HEATR1: variants seen among roughly 807,000 people sequenced by gnomAD.
HEATR1 encodes the protein HEAT repeat-containing protein 1.
HEATR1 carries 77 observed loss-of-function variants against 248.2 expected under a neutral mutation model. That is an observed-to-expected ratio of 0.31 (90% CI 0.26 to 0.37). The LOEUF (loss-of-function observed/expected upper bound fraction) is 0.37. Among genes scored for constraint, HEATR1 ranks in the 10% least tolerant of loss-of-function variants. The pLI is 1.00. For missense variants in HEATR1, 2,420 were observed against 2,504.9 expected, an observed-to-expected ratio of 0.97 and a Z score of 0.72; for synonymous variants, 897 against 923.1, an observed-to-expected ratio of 0.97 and a Z score of 0.51.
chr1:236,553,471 T>C, intron 43 of HEATR1, 110 bp downstream of exon 43: 1 of 1,077,406 alleles, frequency 9.3e-7, no homozygotes, highest in Non-Finnish European at 1.3e-6. Flanking sequence ...CAAATAGCAA[T>C]GTTCTTCCCT....
chr1:236,555,972 T>C, intron 38 of HEATR1, 33 bp from the exon 39 acceptor site: 1 of 1,612,078 alleles, frequency 6.2e-7, no homozygotes. Flanking sequence ...ATGTGCCATT[T>C]TCAAATGATT....
rs1287954302 is a variant in HEATR1 at position 236,594,034 on chromosome 1, T to A, written c.1171A>T (p.Asn391Tyr). Reference protein sequence around the residue: ...AILTKISLKNNLDHLLASLLF... With the variant: ...AILTKISLKNYLDHLLASLLF... ...TACCTAGCCAACAAATGGTCTAAGT[T>A]GTTCTTCAGTGATATTTTTGTAAGT... The change falls in exon 9 of 45, where the codon AAC becomes TAC. Residue 391 changes from asparagine to tyrosine, a missense_variant. Coordinates refer to ENST00000366582, the MANE Select transcript of HEATR1 (RefSeq NM_018072.6). 2 of 1,596,106 alleles carry A rather than the reference T, an allele frequency of 1.3e-6. No individual in the cohort carries two copies. Among genetic ancestry groups the A allele is most frequent in the Admixed American group, 1.8e-5 (1 of 56,678 alleles).
intron 2 of HEATR1, 78 bp downstream of exon 2, chr1:236,603,876 C>G (rs1529541): frequency 0.62 from 900,416 of 1,445,864 alleles, 286,949 homozygotes; most frequent in Non-Finnish European, 0.66. Context: ...GAAGAGAAAA[C>G]AAGGGGAAAA....
rs1173952130 is a variant in HEATR1 at position 236,599,622 on chromosome 1, A to T, written c.362T>A (p.Phe121Tyr). ...ATCTTGATTATAGAGATGTATATGG[A>T]ACCTGGGGAAAAAAAGCAAACAGTC... ...QKCLEWLIHR[F>Y]HIHLYNQDSL... The change falls in exon 4 of 45, where the codon TTC (phenylalanine) becomes TAC (tyrosine). Residue 121 changes from phenylalanine to tyrosine, a missense_variant and splice_region_variant. By Grantham distance (22) the Phe-to-Tyr change is conservative (BLOSUM62 3). Transcript: ENST00000366582. 6.2e-7 allele frequency: 1 copy of T among 1,602,532 alleles called. No individual in the cohort carries two copies. The highest frequency in any genetic ancestry group is 8.5e-7 in the Non-Finnish European group (1 of 1,174,916).
chr1:236,553,522 G>A, intron 43 of HEATR1, 59 bp downstream of exon 43: 1 of 1,524,660 alleles, frequency 6.6e-7, no homozygotes, highest in Non-Finnish European at 8.9e-7. Context: ...CCACCTGCAG[G>A]CTGTTTAGGC....
rs112181778 is a variant in HEATR1, at chr1:236,558,260, C to T, written c.5181G>A (p.Ala1727=). The change falls in exon 36 of 45, where the codon GCG becomes GCA. Residue 1727 remains alanine, a synonymous_variant. Transcript: ENST00000366582. ...CIAEVTSTLE[A]LAIPQLPSLM... is the part of the protein sequence containing the mutation. ...ACCTGGGAAGCTGGGGGATGGCCAG[C>T]GCCTCCAGGGTGGAGGTCACCTCTG... 2.4e-5 allele frequency: 39 copies of T among 1,612,622 alleles called. No individual in the cohort carries two copies. The Middle Eastern group carries it at 5.2e-4, about 21-fold the overall frequency.
In HEATR1 at chr1:236,594,084, A is replaced by T. The variant is rs547782635; in HGVS notation, c.1121T>A (p.Ile374Asn). ...GEETEGMDGQ[I>N]YKRHLEAILT... Reference sequence around the variant, plus strand: ...TATAGCTTCTAAGTGTCTCTTGTAGATTTGACCATCCATTCCTTCAGTTTC... The same window carrying T: ...TATAGCTTCTAAGTGTCTCTTGTAGTTTTGACCATCCATTCCTTCAGTTTC... The change falls in exon 9 of 45, where the codon ATC becomes AAC. Residue 374 changes from isoleucine to asparagine, a missense_variant. Ile to Asn is a moderately radical substitution (Grantham distance 149). Coordinates refer to ENST00000366582, the MANE Select transcript of HEATR1 (RefSeq NM_018072.6). 9 of 1,602,046 alleles carry T rather than the reference A, an allele frequency of 5.6e-6. No individual in the cohort carries two copies. In the African/African-American group the frequency reaches 1.2e-4, roughly 22 times the overall value.
chr1:236,560,578 A>T (rs1196404458), intron 33 of HEATR1, among the ~76,000 whole-genome samples: 4 of 152,226 alleles, frequency 2.6e-5, no homozygotes, highest in Non-Finnish European at 4.4e-5. Context: ...ACTGGAACTC[A>T]GCAGCTCACA....
At chr1:236,593,916 A>G in intron 9 of HEATR1, 96 bp downstream of exon 9, 1 of 775,018 alleles carries the variant, frequency 1.3e-6, no homozygotes, top group East Asian at 2.6e-5. Flanking sequence ...CAAGATATAC[A>G]TTAAAAAGGA....
Position 236,592,077 on chromosome 1 carries a change from T to C in HEATR1, c.1338A>G (p.Glu446=), listed in dbSNP as rs759299628. The C allele has an allele frequency of 3.1e-6, 5 of 1,604,130 alleles. No homozygotes were observed. In the African/African-American group the frequency reaches 5.3e-5, roughly 17 times the overall value. Reference sequence around the variant, plus strand: ...TCAGATCTGCAATTTCCTTTAAGTGTTCCTCTAATACAACATCTAATGTTC... The same window carrying C: ...TCAGATCTGCAATTTCCTTTAAGTGCTCCTCTAATACAACATCTAATGTTC... The part of the protein sequence containing the change: ...YPRTLDVVLE[E]HLKEIADLKK... Residue 446 remains glutamate, a synonymous_variant, in exon 11 of 45, where the codon GAA becomes GAG. Transcript: ENST00000366582.
chr1:236,574,723 C>T lies in HEATR1; in HGVS notation c.3265G>A (p.Val1089Met). 1.2e-6 allele frequency: 2 copies of T among 1,613,892 alleles called. No individual in the cohort carries two copies. The highest frequency in any genetic ancestry group is 1.3e-5 in the African/African-American group (1 of 75,020). The change falls in exon 23 of 45, where the codon GTG becomes ATG. Residue 1089 changes from valine to methionine, a missense_variant. By Grantham distance (21) the Val-to-Met change is conservative. Transcript: ENST00000366582. Reference protein sequence around the residue: ...PKSLDIFIKAVHTTKELYAGM... With the variant: ...PKSLDIFIKAMHTTKELYAGM... Reference sequence around the variant, plus strand: ...GCGTAAAGTTCCTTTGTTGTGTGCACAGCTTTTATAAATATATCTAGACTC... The same window carrying T: ...GCGTAAAGTTCCTTTGTTGTGTGCATAGCTTTTATAAATATATCTAGACTC...
intron 12 of HEATR1, 85 bp from the exon 13 acceptor site, chr1:236,588,128 A>G: frequency 1.0e-6 from 1 of 957,954 alleles, no homozygotes; most frequent in South Asian, 1.6e-5. Context: ...TGGTTTTGTG[A>G]AAAACACTCC....
chr1:236,554,292 T>A (rs1662874619), intron 42 of HEATR1, among the ~76,000 whole-genome samples: 1 of 152,126 alleles, frequency 6.6e-6, no homozygotes. Context: ...TTCGGGAGGC[T>A]GAGGCACAAG....
chr1:236,553,612 A>T lies in HEATR1; in HGVS notation c.6206T>A (p.Ile2069Asn). The T allele has an allele frequency of 6.2e-7, 1 of 1,614,032 alleles. No homozygotes were observed. Among genetic ancestry groups the T allele is most frequent in the Non-Finnish European group, 8.5e-7 (1 of 1,179,960 alleles). ...CGAGGAGTCTCTCGTCTTTAGCAGA[A>T]TCTGGTAGTTCAGTGGTTTCCAAAG... ...DSLWKPLNYQ[I>N]LLKTRDSSPK... The change falls in exon 43 of 45, where the codon ATT (isoleucine) becomes AAT (asparagine). Residue 2069 changes from isoleucine to asparagine, a missense_variant. Ile to Asn is a moderately radical substitution (Grantham distance 149, BLOSUM62 -3). Transcript: ENST00000366582.
chr1:236,549,119 C>G lies in HEATR1; in HGVS notation c.*1783G>C, dbSNP rs1165497688. On this transcript the variant is annotated 3_prime_UTR_variant, in exon 45 of 45. Coordinates refer to ENST00000366582, the MANE Select transcript of HEATR1 (RefSeq NM_018072.6). ...CCAACTAAGGGACCCACAAAGCAGG[C>G]AGAGGTAATGCAGAAATCTGTTTTG... 6 of 397,224 alleles carry G rather than the reference C, an allele frequency of 1.5e-5. No homozygotes were observed. Among genetic ancestry groups the G allele is most frequent in the Non-Finnish European group, 2.7e-5 (6 of 225,522 alleles). The allele number at this position is 397,224 out of a possible 1,614,324, so 24.6% of individuals were successfully genotyped here. A position where few individuals can be genotyped will look rare whatever the true frequency, so the allele number is the denominator to read the frequency against.
chr1:236,568,909 AACT>A, intron 29 of HEATR1, 84 bp downstream of exon 29: 2 of 969,080 alleles, frequency 2.1e-6, no homozygotes, highest in Non-Finnish European at 2.8e-6. Context: ...AAAAAAAAAA[AACT>A]AAAAAAAAGG....
rs1304822509 is a variant in HEATR1, at chr1:236,558,553, C to T, written c.4912-24G>A. On this transcript the variant is annotated intron_variant, in intron 35 of 44. Coordinates refer to ENST00000366582, the MANE Select transcript of HEATR1 (RefSeq NM_018072.6). The stretch of plus-strand genomic sequence containing the variant: ...ACCTGAAGGGGACAGCCAGAATCCC[C>T]AAATCATTAAAGCTGCAAAAAATGT... 1.9e-6 allele frequency: 3 copies of T among 1,584,988 alleles called. No homozygotes were observed. In the East Asian group the frequency reaches 6.7e-5, roughly 36 times the overall value.
At chr1:236,594,781 C>A (rs760749717) in intron 8 of HEATR1, among the ~76,000 whole-genome samples, 1 of 152,062 alleles carries the variant, frequency 6.6e-6, no homozygotes, top group African/African-American at 2.4e-5. Flanking sequence ...AGACATAATG[C>A]AAATAATCAC....
chr1:236,603,151 A>G lies in HEATR1; in HGVS notation c.359+9T>C, dbSNP rs1168144510. On this transcript the variant is annotated intron_variant, in intron 3 of 44. Coordinates refer to ENST00000366582, the MANE Select transcript of HEATR1 (RefSeq NM_018072.6). ...AACCCATAGTTATTTCTGTAATTCT[A>G]TTAGCTACCTGTGAATCAACCACTC... 7 of 1,598,926 alleles carry G rather than the reference A, an allele frequency of 4.4e-6. No individual in the cohort carries two copies. Among genetic ancestry groups the G allele is most frequent in the Non-Finnish European group, 5.1e-6 (6 of 1,166,406 alleles).
Sources: gnomAD v4.1 joint callset for allele counts (sites outside exome capture counted in the v4.1 genomes callset) on GRCh38, gnomAD v4.1.1 for gene constraint, MANE v1.5 for transcripts, NCBI Gene and HGNC (gene_info 2026-07-23, HGNC 2026-07-21) for gene names.